Variants in GALNT13 observed in about 807,000 individuals in gnomAD.
GALNT13 encodes UDP-GalNAc:polypeptide N-acetylgalactosaminyltransferase 13.
In GALNT13, 28 loss-of-function variants were observed where a neutral mutation model predicts 64.2. That is an observed-to-expected ratio of 0.44 (90% CI 0.32 to 0.60). The LOEUF is 0.60. GALNT13 is among the 20% of genes least tolerant of loss of function. The pLI is 0.05. For missense variants in GALNT13, 577 were observed against 669.8 expected (o/e 0.86, Z 1.53); for synonymous variants, 214 against 224.6 (o/e 0.95, Z 0.42).
At chr2:153,558,853 A>G in the GALNT13 span, among the ~76,000 whole-genome samples, 3 of 152,210 alleles carry the variant, frequency 2.0e-5, no homozygotes, top group African/African-American at 7.2e-5. Context: ...TTTCCAACAG[A>G]AAAATGCTGG....
the GALNT13 span, among the ~76,000 whole-genome samples, chr2:153,647,220 A>G: frequency 6.6e-5 from 10 of 152,166 alleles, no homozygotes; most frequent in African/African-American, 2.4e-4. Flanking sequence ...GCCAGTGATG[A>G]TGAGCATTTT....
the GALNT13 span, among the ~76,000 whole-genome samples, chr2:153,089,552 A>G: frequency 2.6e-5 from 4 of 152,234 alleles, no homozygotes; most frequent in East Asian, 3.9e-4. Context: ...TTCCTCAATC[A>G]TTCCCTCAAA....
At chr2:154,161,563 C>T (rs778691986) in intron 4 of GALNT13, among the ~76,000 whole-genome samples, 3 of 151,976 alleles carry the variant, frequency 2.0e-5, no homozygotes, top group Non-Finnish European at 4.4e-5. Context: ...AGAGTAGCAT[C>T]GGAGAGTAAG....
chr2:154,245,521 T>A (rs1689732851), intron 6 of GALNT13, among the ~76,000 whole-genome samples: 1 of 152,196 alleles, frequency 6.6e-6, no homozygotes, highest in South Asian at 2.1e-4. Context: ...CTAATCATGC[T>A]GTGGGTGGAG....
chr2:154,236,045 G>A, intron 4 of GALNT13: 1 of 1,246,110 alleles, frequency 8.0e-7, no homozygotes, highest in Non-Finnish European at 1.1e-6. Context: ...TAAATCAACA[G>A]CTAATAGACC....
intron 9 of GALNT13, among the ~76,000 whole-genome samples, chr2:154,349,525 A>G (rs1696267152): frequency 6.6e-6 from 1 of 152,236 alleles, no homozygotes; most frequent in South Asian, 2.1e-4. Flanking sequence ...ATTATTCACA[A>G]ACAACATTGC....
the GALNT13 span, among the ~76,000 whole-genome samples, chr2:153,218,444 G>T: frequency 6.6e-6 from 1 of 151,966 alleles, no homozygotes; most frequent in African/African-American, 2.4e-5. Context: ...TTTTTCTCCA[G>T]ACAGAATTAG....
chr2:154,123,107 G>A (rs540312800), intron 3 of GALNT13, among the ~76,000 whole-genome samples: 1 of 151,994 alleles, frequency 6.6e-6, no homozygotes, highest in East Asian at 1.9e-4. Context: ...CAAAACTGAA[G>A]AATAAACATT....
At chr2:153,760,546 C>A in the GALNT13 span, among the ~76,000 whole-genome samples, 2,471 of 151,988 alleles carry the variant, frequency 0.016, 73 homozygotes, top group East Asian at 0.13. Flanking sequence ...GTGAATTTTC[C>A]AAGATTTCTT....
chr2:153,711,182 T>G, the GALNT13 span, among the ~76,000 whole-genome samples: 1 of 152,128 alleles, frequency 6.6e-6, no homozygotes, highest in Non-Finnish European at 1.5e-5. Context: ...TCAAAATTAC[T>G]AAGCTCAGGA....
the GALNT13 span, among the ~76,000 whole-genome samples, chr2:153,817,306 A>G: frequency 6.6e-6 from 1 of 152,310 alleles, no homozygotes; most frequent in South Asian, 2.1e-4. Flanking sequence ...CAGGCTTTTG[A>G]ACCTTCTAGG....
the GALNT13 span, chr2:153,478,233 G>T: frequency 3.7e-6 from 6 of 1,606,474 alleles, no homozygotes; most frequent in Non-Finnish European, 5.1e-6. Flanking sequence ...GGCAGAGGGC[G>T]GGTCAGTAGG....
chr2:153,648,162 TC>T, the GALNT13 span, among the ~76,000 whole-genome samples: 1 of 152,206 alleles, frequency 6.6e-6, no homozygotes, highest in African/African-American at 2.4e-5. Flanking sequence ...TTTGTAGTTC[TC>T]CTTGAAGAGG....
chr2:154,179,078 A>G (rs964590385), intron 4 of GALNT13, among the ~76,000 whole-genome samples: 17 of 152,144 alleles, frequency 1.1e-4, no homozygotes, highest in African/African-American at 3.4e-4. Context: ...CATCTGCCCA[A>G]TAAACTCTCA....
chr2:153,086,026 A>G, the GALNT13 span, among the ~76,000 whole-genome samples: 1 of 152,118 alleles, frequency 6.6e-6, no homozygotes, highest in Non-Finnish European at 1.5e-5. Context: ...ATCATTTAGA[A>G]ACTTTAATAT....
At chr2:154,187,821 G>T (rs1033800942) in intron 4 of GALNT13, among the ~76,000 whole-genome samples, 1 of 151,902 alleles carries the variant, frequency 6.6e-6, no homozygotes, top group African/African-American at 2.4e-5. Flanking sequence ...TAGTTTTTTT[G>T]GTGTTTCTGT....
rs575784218 is a variant in GALNT13 at position 154,203,057 on chromosome 2, A to G, written c.312-38973A>G. 9.1e-4 allele frequency among the ~76,000 whole-genome samples: 138 copies of G among 152,226 alleles called. 1 individual carries two copies. Among genetic ancestry groups the G allele is most frequent in the African/African-American group, 3.2e-3 (135 of 41,554 alleles). ...TATACTTTTGAAAGTTCCAGTCTGTACTTGTGTTTTCGGGGGCTATAACTG... is the reference window on the plus strand; with the variant it reads ...TATACTTTTGAAAGTTCCAGTCTGTGCTTGTGTTTTCGGGGGCTATAACTG... On this transcript the variant is annotated intron_variant, in intron 4 of 12. Transcript: ENST00000392825.
chr2:153,978,276 G>C (rs1694209429), intron 3 of GALNT13, among the ~76,000 whole-genome samples: 1 of 152,156 alleles, frequency 6.6e-6, no homozygotes, highest in African/African-American at 2.4e-5. Context: ...GAAAATTGAA[G>C]AGGTTTCCTA....
chr2:153,668,440 A>G, the GALNT13 span, among the ~76,000 whole-genome samples: 1 of 152,290 alleles, frequency 6.6e-6, no homozygotes, highest in African/African-American at 2.4e-5. Context: ...AGAAATCAAT[A>G]CCAAGAAAAG....
Sources: allele counts gnomAD v4.1 joint callset (sites outside exome capture counted in the v4.1 genomes callset), GRCh38; gene constraint gnomAD v4.1.1; transcripts MANE v1.5; gene names NCBI Gene and HGNC (gene_info 2026-07-23, HGNC 2026-07-21).